TRMT11: variants seen among roughly 807,000 people sequenced by gnomAD.
The protein encoded by TRMT11 is tRNA methyltransferase 11, also known as tRNA (guanine(10)-N(2))-methyltransferase TRMT11.
Under a neutral mutation model 62.8 loss-of-function variants are expected in TRMT11, and 53 were observed. The observed-to-expected ratio is 0.84, with a 90% CI of 0.68 to 1.06. The LOEUF (loss-of-function observed/expected upper bound fraction) is 1.06, where lower values mean the gene tolerates loss of function less well. Among genes scored for constraint, TRMT11 ranks in the 50% least tolerant of loss-of-function variants. The probability of loss-of-function intolerance (pLI) is 0.00; values close to 1 mark genes in which losing one functional copy is unlikely to be tolerated. For missense variants in TRMT11, 556 were observed against 553.4 expected, an observed-to-expected ratio of 1.00 and a Z score of -0.05; for synonymous variants, 188 against 190.3, an observed-to-expected ratio of 0.99 and a Z score of 0.10.
intron 12 of TRMT11, among the ~76,000 whole-genome samples, chr6:126,033,955 G>A (rs1774691668): frequency 6.6e-6 from 1 of 152,048 alleles, no homozygotes; most frequent in African/African-American, 2.4e-5. Context: ...TGGCTGGGTG[G>A]GACAGTGGTT....
intron 17 of TRMT11, among the ~76,000 whole-genome samples, chr6:126,064,781 A>G (rs111806434): frequency 2.2e-4 from 33 of 152,346 alleles, no homozygotes; most frequent in African/African-American, 7.2e-4. Flanking sequence ...TCCTAAGGTC[A>G]ATGTTTACTT....
chr6:126,123,629 G>T (rs1777676010), intron 21 of TRMT11, among the ~76,000 whole-genome samples: 1 of 151,626 alleles, frequency 6.6e-6, no homozygotes, highest in African/African-American at 2.4e-5. Context: ...TTGCAACATG[G>T]GTATTTAATA....
chr6:126,246,176 G>A, the TRMT11 span, among the ~76,000 whole-genome samples: 1 of 152,090 alleles, frequency 6.6e-6, no homozygotes, highest in Non-Finnish European at 1.5e-5. Flanking sequence ...GACCCCAGGA[G>A]ATCGAGGCTG....
chr6:126,012,907 C>T lies in TRMT11; in HGVS notation c.1007+55C>T, dbSNP rs1445480368. ...TACCTTGAGAAGAGGCATGTGGCTT[C>T]CCCGTTAACTTAGCACTCTTAAAAT... On this transcript the variant is annotated intron_variant, in intron 10 of 12. Coordinates refer to ENST00000334379, the MANE Select transcript of TRMT11 (RefSeq NM_001031712.3). 9 of 1,609,518 alleles carry T rather than the reference C, an allele frequency of 5.6e-6. No homozygotes were observed. The East Asian group carries it at 1.8e-4, about 32-fold the overall frequency.
chr6:125,991,494 G>A (rs896972110), intron 1 of TRMT11, among the ~76,000 whole-genome samples: 1 of 151,878 alleles, frequency 6.6e-6, no homozygotes, highest in Non-Finnish European at 1.5e-5. Flanking sequence ...AGGGGGTCTT[G>A]GGAGCTCTCA....
At chr6:126,121,927 GT>G (rs1226525468) in intron 21 of TRMT11, among the ~76,000 whole-genome samples, 1 of 152,026 alleles carries the variant, frequency 6.6e-6, no homozygotes, top group Non-Finnish European at 1.5e-5. Flanking sequence ...CTCTGATATG[GT>G]TTGGCAGTGT....
At chr6:126,095,670 G>A (rs555309236) in intron 17 of TRMT11, among the ~76,000 whole-genome samples, 14 of 152,148 alleles carry the variant, frequency 9.2e-5, no homozygotes, top group Admixed American at 7.9e-4. Context: ...TTGGAGGAGG[G>A]GAGAGAAACC....
At chr6:126,079,932 C>G (rs1440636494) in intron 17 of TRMT11, among the ~76,000 whole-genome samples, 1 of 152,112 alleles carries the variant, frequency 6.6e-6, no homozygotes, top group Non-Finnish European at 1.5e-5. Flanking sequence ...TATGCACATT[C>G]ACTATAAAGA....
chr6:126,156,708 T>C (rs966444011), intron 21 of TRMT11, among the ~76,000 whole-genome samples: 4 of 152,148 alleles, frequency 2.6e-5, no homozygotes, highest in Non-Finnish European at 2.9e-5. Context: ...CACATGACCA[T>C]AGTGGGAGCA....
At chr6:126,168,364 C>T (rs1778291990) in intron 21 of TRMT11, among the ~76,000 whole-genome samples, 1 of 152,108 alleles carries the variant, frequency 6.6e-6, no homozygotes, top group Non-Finnish European at 1.5e-5. Flanking sequence ...ATATGAATGA[C>T]ATGTCATTGG....
At chr6:126,204,575 G>A (rs1315444595), downstream of TRMT11, among the ~76,000 whole-genome samples, 2 of 144,898 alleles carry the variant, frequency 1.4e-5, no homozygotes, top group Non-Finnish European at 3.2e-5. Context: ...CAGCCTGTCT[G>A]TACTTATATG....
chr6:126,177,347 A>G (rs1436566670), intron 1 of TRMT11: 2 of 152,160 alleles, frequency 1.3e-5, no homozygotes, highest in Non-Finnish European at 2.9e-5. Flanking sequence ...TATATAGTAT[A>G]TAGAGTCAAA....
chr6:126,083,444 T>C (rs17053778), intron 17 of TRMT11, among the ~76,000 whole-genome samples: 29,395 of 152,152 alleles, frequency 0.19, 6,927 homozygotes, highest in African/African-American at 0.56. Context: ...CTTCCTTTTC[T>C]GAATTTTCAG....
chr6:126,119,841 G>GA, intron 21 of TRMT11, among the ~76,000 whole-genome samples: 1 of 152,176 alleles, frequency 6.6e-6, no homozygotes, highest in East Asian at 1.9e-4. Context: ...TCTATCCTAA[G>GA]AAAAACAATT....
chr6:126,209,423 A>C, the TRMT11 span, among the ~76,000 whole-genome samples: 101 of 152,264 alleles, frequency 6.6e-4, no homozygotes, highest in Non-Finnish European at 1.2e-3. Context: ...TCAGTTATTC[A>C]AAATACTTTG....
At chr6:126,220,848 A>G in the TRMT11 span, among the ~76,000 whole-genome samples, 1 of 151,796 alleles carries the variant, frequency 6.6e-6, no homozygotes, top group Admixed American at 6.6e-5. Flanking sequence ...GGTACAGATT[A>G]TTTCATTGCT....
At chr6:126,022,511 C>T (rs1795975727) in intron 12 of TRMT11, among the ~76,000 whole-genome samples, 1 of 152,120 alleles carries the variant, frequency 6.6e-6, no homozygotes, top group Middle Eastern at 3.2e-3. Context: ...TTTGCTGTCT[C>T]TAATTTAGAC....
rs114362382 is a variant in TRMT11 at position 126,141,666 on chromosome 6, G to T, written c.*1823+25811G>T. ...TTAACCAACTTAAATCCGTTATTTT[G>T]GAAAAGGAGATTATATATGGTGTAT... On this transcript the variant is annotated intron_variant and NMD_transcript_variant, in intron 21 of 22. Coordinates refer to the TRMT11 transcript ENST00000648977. Among the ~76,000 whole-genome samples the T allele has an allele frequency of 4.4e-3, 664 of 152,124 alleles. 5 individuals carry two copies. The highest frequency in any genetic ancestry group is 0.015 in the African/African-American group (632 of 41,532).
chr6:126,105,587 T>C (rs1335902039), intron 17 of TRMT11, among the ~76,000 whole-genome samples: 1 of 151,660 alleles, frequency 6.6e-6, no homozygotes, highest in Non-Finnish European at 1.5e-5. Context: ...GCATGATCTT[T>C]AAGATTGTTT....
Sources: gnomAD v4.1 joint callset for allele counts (sites outside exome capture counted in the v4.1 genomes callset) on GRCh38, gnomAD v4.1.1 for gene constraint, MANE v1.5 for transcripts, NCBI Gene and HGNC (gene_info 2026-07-23, HGNC 2026-07-21) for gene names.